ELMOD1: variants seen among roughly 807,000 people sequenced by gnomAD.
The protein encoded by ELMOD1 is ELMO domain-containing protein 1.
In ELMOD1, 21 loss-of-function variants were observed where a neutral mutation model predicts 46.7. The observed-to-expected ratio is 0.45, with a 90% CI of 0.32 to 0.65. The LOEUF is 0.65. Among genes scored for constraint, ELMOD1 ranks in the 30% least tolerant of loss-of-function variants. The pLI, the probability that ELMOD1 is intolerant of heterozygous loss-of-function variation, is 0.04. For synonymous variants in ELMOD1, 122 were observed against 138.2 expected (o/e 0.88, Z 0.82); for missense variants, 348 against 407.8 (o/e 0.85, Z 1.26).
At chr11:107,659,819 T>C (rs1307039889) in intron 11 of ELMOD1, among the ~76,000 whole-genome samples, 2 of 152,064 alleles carry the variant, frequency 1.3e-5, no homozygotes, top group Non-Finnish European at 2.9e-5. Flanking sequence ...CCCAGCACTT[T>C]GGGAGGCTGA....
chr11:107,621,107 T>A (rs1380511719), intron 2 of ELMOD1, among the ~76,000 whole-genome samples: 3 of 152,228 alleles, frequency 2.0e-5, no homozygotes, highest in Non-Finnish European at 4.4e-5. Flanking sequence ...GAGGTTATAT[T>A]TTTTAAAGTT....
At chr11:107,622,249 A>G (rs1865963540) in intron 2 of ELMOD1, among the ~76,000 whole-genome samples, 1 of 152,206 alleles carries the variant, frequency 6.6e-6, no homozygotes, top group Non-Finnish European at 1.5e-5. Context: ...AAGATGTGGG[A>G]TGCTGTAAAC....
chr11:107,644,071 G>C lies in ELMOD1; in HGVS notation c.421-3397G>C, dbSNP rs1336018839. On this transcript the variant is annotated intron_variant, in intron 6 of 11. Coordinates refer to ENST00000265840, the MANE Select transcript of ELMOD1 (RefSeq NM_018712.4). ...GTGGATCACTTGAGGTCAGGAGTTT[G>C]ACACCAGCCTGGCCAACATGGCGAA... Among the ~76,000 whole-genome samples, 5 of 152,080 alleles carry C rather than the reference G, an allele frequency of 3.3e-5. No homozygotes were observed. In the East Asian group the frequency reaches 9.6e-4, roughly 29 times the overall value.
chr11:107,614,000 T>C (rs1046736249), intron 1 of ELMOD1, among the ~76,000 whole-genome samples: 3 of 152,212 alleles, frequency 2.0e-5, no homozygotes, highest in African/African-American at 7.2e-5. Context: ...GACCTTTTTA[T>C]ACCCAGATCC....
chr11:107,636,475 A>T (rs1305544195), intron 6 of ELMOD1, among the ~76,000 whole-genome samples: 2 of 152,216 alleles, frequency 1.3e-5, no homozygotes, highest in Admixed American at 6.5e-5. Flanking sequence ...TGTTTTATAA[A>T]TTCATTTCTG....
chr11:107,610,158 G>A (rs1865751596), intron 1 of ELMOD1, among the ~76,000 whole-genome samples: 1 of 152,188 alleles, frequency 6.6e-6, no homozygotes, highest in African/African-American at 2.4e-5. Flanking sequence ...AACAATATTA[G>A]CGATTTATTA....
At chr11:107,641,408 T>G (rs1866321514) in intron 6 of ELMOD1, among the ~76,000 whole-genome samples, 1 of 152,206 alleles carries the variant, frequency 6.6e-6, no homozygotes, top group Non-Finnish European at 1.5e-5. Flanking sequence ...AAAACCAAGA[T>G]ATGCCAGAAC....
At chr11:107,616,303 A>G (rs369000529) in intron 1 of ELMOD1, among the ~76,000 whole-genome samples, 1 of 150,398 alleles carries the variant, frequency 6.6e-6, no homozygotes, top group Non-Finnish European at 1.5e-5. Flanking sequence ...GCCCTACTGT[A>G]GTTATTCTTT....
At chr11:107,650,303 A>AC in intron 7 of ELMOD1, 32 bp from the exon 8 acceptor site, 1 of 1,497,258 alleles carries the variant, frequency 6.7e-7, no homozygotes, top group Non-Finnish European at 9.1e-7. Flanking sequence ...AAGCAAGTAT[A>AC]GAGTTACGGT....
intron 6 of ELMOD1, among the ~76,000 whole-genome samples, chr11:107,645,086 C>G (rs1269828354): frequency 9.0e-6 from 1 of 111,622 alleles, no homozygotes; most frequent in African/African-American, 3.4e-5. Flanking sequence ...CCATGCCTGG[C>G]TAATTTTTTT....
intron 1 of ELMOD1, among the ~76,000 whole-genome samples, chr11:107,602,425 C>A (rs1417577440): frequency 6.6e-6 from 1 of 152,132 alleles, no homozygotes; most frequent in Non-Finnish European, 1.5e-5. Context: ...CCAACATTCT[C>A]GCTTTTCTTT....
At chr11:107,646,892 T>TA (rs1866435873) in intron 6 of ELMOD1, among the ~76,000 whole-genome samples, 1 of 152,120 alleles carries the variant, frequency 6.6e-6, no homozygotes. Context: ...TTTATACTCT[T>TA]AAATATTTTT....
At chr11:107,601,911 G>A (rs1865606440) in intron 1 of ELMOD1, among the ~76,000 whole-genome samples, 1 of 151,824 alleles carries the variant, frequency 6.6e-6, no homozygotes, top group Non-Finnish European at 1.5e-5. Context: ...GTTGTTAAAG[G>A]CCTTACATTT....
chr11:107,592,447 T>C (rs1391714302), intron 1 of ELMOD1: 4 of 534,362 alleles, frequency 7.5e-6, no homozygotes, highest in African/African-American at 1.9e-5. Flanking sequence ...ATACGTTTTG[T>C]GCCGGTGGCT....
At chr11:107,635,551 C>A in intron 5 of ELMOD1, 85 bp from the exon 6 acceptor site, 1 of 1,314,478 alleles carries the variant, frequency 7.6e-7, no homozygotes, top group Non-Finnish European at 1.0e-6. Context: ...ATGAAAAGTT[C>A]TATCATGCAT....
intron 1 of ELMOD1, among the ~76,000 whole-genome samples, chr11:107,611,802 A>T (rs915576190): frequency 6.6e-6 from 1 of 152,144 alleles, no homozygotes. Flanking sequence ...AGAAAATGCA[A>T]ATCAAAACCA....
At chr11:107,612,418 C>T (rs563266144) in intron 1 of ELMOD1, among the ~76,000 whole-genome samples, 40 of 152,294 alleles carry the variant, frequency 2.6e-4, no homozygotes, top group African/African-American at 9.4e-4. Context: ...TGCTCACTAC[C>T]TGGGTGACAG....
intron 6 of ELMOD1, among the ~76,000 whole-genome samples, chr11:107,637,441 C>A (rs1437723476): frequency 6.6e-6 from 1 of 152,078 alleles, no homozygotes; most frequent in Non-Finnish European, 1.5e-5. Context: ...GCCTGTAATC[C>A]CAGCACTTTG....
chr11:107,609,812 T>C (rs1047995443), intron 1 of ELMOD1, among the ~76,000 whole-genome samples: 2 of 152,204 alleles, frequency 1.3e-5, no homozygotes, highest in African/African-American at 2.4e-5. Context: ...TCCTTCCCTT[T>C]GGATGAGTTC....
Sources: allele counts gnomAD v4.1 joint callset (sites outside exome capture counted in the v4.1 genomes callset), GRCh38; gene constraint gnomAD v4.1.1; transcripts MANE v1.5; gene names NCBI Gene and HGNC (gene_info 2026-07-23, HGNC 2026-07-21).